The following SKA1 variants were observed in gnomAD, a reference collection of about 807,000 sequenced individuals.
SKA1 encodes spindle and kinetochore associated complex subunit 1, also known as SKA complex subunit 1.
In SKA1, 20 loss-of-function variants were observed where a neutral mutation model predicts 31.8. That is an observed-to-expected ratio of 0.63 (90% CI 0.44 to 0.91). The LOEUF (loss-of-function observed/expected upper bound fraction) is 0.91, where lower values mean the gene tolerates loss of function less well. Ranked by LOEUF, SKA1 falls within the 40% of genes least tolerant of loss-of-function variation. SKA1 has a pLI of 0.00. For synonymous variants in SKA1, 88 were observed against 100.5 expected (o/e 0.88, Z 0.74); for missense variants, 253 against 298.2 (o/e 0.85, Z 1.12).
chr18:50,379,068 A>G (rs16951818), intron 2 of SKA1, among the ~76,000 whole-genome samples: 5,564 of 152,270 alleles, frequency 0.037, 319 homozygotes, highest in African/African-American at 0.12. Context: ...TAATCTACAC[A>G]TATTGCCAAA....
chr18:50,375,961 A>G (rs951114249), intron 2 of SKA1, 43 bp downstream of exon 2: 36 of 1,245,974 alleles, frequency 2.9e-5, no homozygotes, highest in Non-Finnish European at 3.7e-5. Context: ...TACAAAATGC[A>G]TTTTGATTAT....
intron 5 of SKA1, 51 bp downstream of exon 5, chr18:50,385,404 C>T (rs1375046418): frequency 2.1e-5 from 29 of 1,399,084 alleles, no homozygotes; most frequent in Middle Eastern, 1.9e-4. Flanking sequence ...CATAAATGAT[C>T]GTTTAAATAA....
At chr18:50,378,401 G>A (rs2041238256) in intron 2 of SKA1, among the ~76,000 whole-genome samples, 1 of 152,232 alleles carries the variant, frequency 6.6e-6, no homozygotes, top group Non-Finnish European at 1.5e-5. Flanking sequence ...ATAAAAAACA[G>A]TGACCAGACA....
chr18:50,389,336 TG>T (rs921929872), intron 5 of SKA1, among the ~76,000 whole-genome samples: 16 of 149,926 alleles, frequency 1.1e-4, no homozygotes, highest in Non-Finnish European at 2.4e-4. Flanking sequence ...AGTCTTTTTC[TG>T]GGGGGGAGAG....
intron 2 of SKA1, among the ~76,000 whole-genome samples, chr18:50,376,290 A>C (rs951377841): frequency 1.4e-4 from 21 of 152,352 alleles, no homozygotes; most frequent in Non-Finnish European, 2.6e-4. Flanking sequence ...GTCGTTGTGC[A>C]AACATCACAT....
chr18:50,376,755 C>T (rs2041219269), intron 2 of SKA1, among the ~76,000 whole-genome samples: 3 of 152,154 alleles, frequency 2.0e-5, no homozygotes, highest in Admixed American at 2.0e-4. Flanking sequence ...TAGCTTAAAA[C>T]AAATACATTG....
At chr18:50,385,526 A>G (rs2041300295) in intron 5 of SKA1, among the ~76,000 whole-genome samples, 173 bp downstream of exon 5, 1 of 152,222 alleles carries the variant, frequency 6.6e-6, no homozygotes, top group African/African-American at 2.4e-5. Context: ...TTTTGTTGTA[A>G]AACCCCTTCA....
chr18:50,386,779 A>T (rs575464720), intron 5 of SKA1, among the ~76,000 whole-genome samples: 10 of 152,346 alleles, frequency 6.6e-5, no homozygotes, highest in African/African-American at 2.4e-4. Context: ...AGAGTCATAC[A>T]GTATGTAGCC....
rs9963998 is a variant in SKA1, at chr18:50,379,392, T to C, written c.89-734T>C. Among the ~76,000 whole-genome samples the C allele has an allele frequency of 4.9e-3, 739 of 152,264 alleles. 3 individuals carry two copies. Among genetic ancestry groups the C allele is most frequent in the African/African-American group, 0.017 (709 of 41,544 alleles). ...TCTGCTTAGGGGTGGTTTTGAATAG[T>C]GTGGATAGTGTTAATATGAATTCCA... On this transcript the variant is annotated intron_variant, in intron 2 of 6. Transcript: ENST00000285116.
At chr18:50,391,056 T>C (rs2041352708) in intron 5 of SKA1, 68 bp from the exon 6 acceptor site, 1 of 1,184,244 alleles carries the variant, frequency 8.4e-7, no homozygotes, top group Admixed American at 2.8e-5. Flanking sequence ...CATACTTATG[T>C]TTTTCAAGGA....
intron 6 of SKA1, among the ~76,000 whole-genome samples, chr18:50,391,513 A>G (rs1051866116): frequency 1.3e-5 from 2 of 152,210 alleles, no homozygotes; most frequent in African/African-American, 4.8e-5. Flanking sequence ...GGATGCTGCT[A>G]TAACAGCCGG....
Position 50,392,144 on chromosome 18 carries a change from T to G in SKA1, c.665T>G (p.Leu222Trp). ...GCTGACATAAAGGAGTTCACAACTT[T>G]GAAAGCTGACAAGAAGTTTCACGTG... Reference protein sequence around the residue: ...VEADIKEFTTLKADKKFHVLL... With the variant: ...VEADIKEFTTWKADKKFHVLL... Residue 222 changes from leucine (L) to tryptophan (W), a missense_variant, in exon 7 of 7, where the codon TTG becomes TGG. By Grantham distance (61) the Leu-to-Trp change is moderately conservative. Coordinates refer to ENST00000285116, the MANE Select transcript of SKA1 (RefSeq NM_145060.4). 1 of 1,609,252 alleles carries G rather than the reference T, an allele frequency of 6.2e-7. No homozygotes were observed.
chr18:50,389,904 C>T (rs904897739), intron 5 of SKA1, among the ~76,000 whole-genome samples: 1 of 152,224 alleles, frequency 6.6e-6, no homozygotes, highest in African/African-American at 2.4e-5. Flanking sequence ...GTAGAGTATT[C>T]ATTTTTCAAC....
At chr18:50,379,760 A>T (rs1015032966) in intron 2 of SKA1, among the ~76,000 whole-genome samples, 22 of 131,348 alleles carry the variant, frequency 1.7e-4, no homozygotes, top group African/African-American at 5.9e-4. Flanking sequence ...ATGAGGGGGA[A>T]CCACAGTTCC....
intron 5 of SKA1, among the ~76,000 whole-genome samples, chr18:50,390,359 A>T (rs2041346778): frequency 6.6e-6 from 1 of 152,238 alleles, no homozygotes; most frequent in Non-Finnish European, 1.5e-5. Flanking sequence ...TGAAGAGACA[A>T]ATTGAAGCAG....
In SKA1 at chr18:50,389,815, C is replaced by T. The variant is rs538347949; in HGVS notation, c.450-1309C>T. ...GAGCTAATGTGAAGAGCTAATGTGG[C>T]TGTGAGGAACAGTGGAGTAGAGGAT... On this transcript the variant is annotated intron_variant, in intron 5 of 6. Transcript: ENST00000285116. 7.2e-5 allele frequency among the ~76,000 whole-genome samples: 11 copies of T among 152,250 alleles called. No individual in the cohort carries two copies. The East Asian group carries it at 2.1e-3, about 29-fold the overall frequency.
Position 50,391,253 on chromosome 18 carries a change from C to CT in SKA1, c.580dup (p.Tyr194LeufsTer6), listed in dbSNP as rs773540479. 1.9e-6 allele frequency: 3 copies of CT among 1,603,350 alleles called. No homozygotes were observed. Among genetic ancestry groups the CT allele is most frequent in the African/African-American group, 1.3e-5 (1 of 74,232 alleles). On this transcript the variant is annotated frameshift_variant, in exon 6 of 7. Coordinates refer to ENST00000285116, the MANE Select transcript of SKA1 (RefSeq NM_145060.4). LOFTEE classifies it high-confidence loss of function. ...CTATGAATTCTGTGACCAGAAATCTCTATCACAGATTTATTGATGAAGAAA... is the reference window on the plus strand; with the variant it reads ...CTATGAATTCTGTGACCAGAAATCTCTTATCACAGATTTATTGATGAAGAAA...
In SKA1 at chr18:50,392,377, C is replaced by G. The variant is rs377664552; in HGVS notation, c.*130C>G. 425 of 561,684 alleles carry G rather than the reference C, an allele frequency of 7.6e-4. 1 individual carries two copies. Among genetic ancestry groups the G allele is most frequent in the African/African-American group, 7.5e-3 (341 of 45,268 alleles). The allele number at this position is 561,684 out of a possible 1,614,324, so 34.8% of individuals were successfully genotyped here. A position where few individuals can be genotyped will look rare whatever the true frequency, so the allele number is the denominator to read the frequency against. On this transcript the variant is annotated 3_prime_UTR_variant, in exon 7 of 7. Coordinates refer to ENST00000285116, the MANE Select transcript of SKA1 (RefSeq NM_145060.4). ...CTTTTTTTTTTTTTTGAGACAGGAT[C>G]TTGCTTTGTCACCCAGGGGCTTGCT...
chr18:50,394,047 T>A lies in SKA1; in HGVS notation c.*1800T>A, dbSNP rs1009542689. The A allele has an allele frequency of 2.0e-5, 3 of 152,360 alleles. No individual in the cohort carries two copies. In the East Asian group the frequency reaches 5.8e-4, roughly 29 times the overall value. 9.4% of individuals were successfully genotyped at this position (152,360 alleles called of 1,614,324 possible). On this transcript the variant is annotated 3_prime_UTR_variant, in exon 7 of 7. Coordinates refer to ENST00000285116, the MANE Select transcript of SKA1 (RefSeq NM_145060.4). ...TGCCAGGAAGGTGACGCACTCCAGC[T>A]TTATGAAGTCAGCAAGTCCTGTGCT... is the stretch of plus-strand genomic sequence containing the variant.
Sources: gnomAD v4.1 joint callset for allele counts (sites outside exome capture counted in the v4.1 genomes callset) on GRCh38, gnomAD v4.1.1 for gene constraint, MANE v1.5 for transcripts, NCBI Gene and HGNC (gene_info 2026-07-23, HGNC 2026-07-21) for gene names.